Variants in ZDHHC7 observed in about 807,000 individuals in gnomAD.
ZDHHC7 encodes the protein palmitoyltransferase ZDHHC7.
In ZDHHC7, 12 loss-of-function variants were observed where a neutral mutation model predicts 34.1. The ratio of observed to expected loss-of-function variants is 0.35; its 90% CI spans 0.23 to 0.57. The LOEUF is 0.57. Ranked by LOEUF, ZDHHC7 falls within the 20% of genes least tolerant of loss-of-function variation. The probability of loss-of-function intolerance (pLI) is 0.84; values close to 1 mark genes in which losing one functional copy is unlikely to be tolerated. For missense variants in ZDHHC7, 388 were observed against 402.7 expected, an observed-to-expected ratio of 0.96 and a Z score of 0.31; for synonymous variants, 185 against 155.4, an observed-to-expected ratio of 1.19 and a Z score of -1.42.
chr16:84,996,646 C>T (rs112714984), intron 1 of ZDHHC7, among the ~76,000 whole-genome samples: 26 of 152,176 alleles, frequency 1.7e-4, no homozygotes, highest in Non-Finnish European at 2.8e-4. Flanking sequence ...GTCAGATTCA[C>T]TGTCAGACCT....
At chr16:85,025,950 G>A in the ZDHHC7 span, among the ~76,000 whole-genome samples, 1 of 152,140 alleles carries the variant, frequency 6.6e-6, no homozygotes, top group East Asian at 1.9e-4. Context: ...AGATTTTCCA[G>A]GCCCAATGTC....
At chr16:84,989,844 T>G (rs1393678391) in intron 3 of ZDHHC7, among the ~76,000 whole-genome samples, 1 of 151,882 alleles carries the variant, frequency 6.6e-6, no homozygotes, top group African/African-American at 2.4e-5. Context: ...TTTAAAGCAG[T>G]GGAAAGAACT....
intron 2 of ZDHHC7, among the ~76,000 whole-genome samples, chr16:84,990,870 C>CG (rs3215103): frequency 0.61 from 92,895 of 151,948 alleles, 29,983 homozygotes; most frequent in African/African-American, 0.81. Flanking sequence ...TATACAAAAC[C>CG]TATCTATGGC....
chr16:84,988,639 T>C lies in ZDHHC7; in HGVS notation c.315+1665A>G, dbSNP rs1402982835. The stretch of plus-strand genomic sequence containing the variant: ...GGGGTGGGAGCAGAAGCTGGACTGC[T>C]GAGTAGCTGTAGAGTCTGAGCGCAG... On this transcript the variant is annotated intron_variant, in intron 3 of 7. Coordinates refer to ENST00000313732, the MANE Select transcript of ZDHHC7 (RefSeq NM_017740.3). 7.3e-6 allele frequency: 6 copies of C among 817,860 alleles called. No homozygotes were observed. In the South Asian group the frequency reaches 8.1e-5, roughly 11 times the overall value. The allele number at this position is 817,860 out of a possible 1,614,324, so 50.7% of individuals were successfully genotyped here. A position where few individuals can be genotyped will look rare whatever the true frequency, so the allele number is the denominator to read the frequency against.
At chr16:84,990,872 A>G (rs2072501119) in intron 2 of ZDHHC7, among the ~76,000 whole-genome samples, 1 of 149,546 alleles carries the variant, frequency 6.7e-6, no homozygotes, top group South Asian at 2.1e-4. Flanking sequence ...TACAAAACCT[A>G]TCTATGGCCA....
At chr16:85,008,876 T>C (rs2143758776) in intron 1 of ZDHHC7, among the ~76,000 whole-genome samples, 1 of 151,582 alleles carries the variant, frequency 6.6e-6, no homozygotes, top group South Asian at 2.1e-4. Context: ...AGAAATCCTG[T>C]CTCTACTAAA....
chr16:85,012,725 C>T (rs1383825974), upstream of ZDHHC7, among the ~76,000 whole-genome samples: 1 of 151,832 alleles, frequency 6.6e-6, no homozygotes, highest in Non-Finnish European at 1.5e-5. Context: ...GTCAACGTGG[C>T]GAAACCCCAT....
chr16:85,025,550 C>T, the ZDHHC7 span, among the ~76,000 whole-genome samples: 2 of 152,168 alleles, frequency 1.3e-5, no homozygotes, highest in Non-Finnish European at 2.9e-5. Flanking sequence ...GCTGGGACTA[C>T]AGGCACCTGC....
chr16:85,023,896 A>G, the ZDHHC7 span, among the ~76,000 whole-genome samples: 1 of 152,184 alleles, frequency 6.6e-6, no homozygotes, highest in Non-Finnish European at 1.5e-5. Flanking sequence ...GATTATAGGC[A>G]TGAGCCATCA....
At chr16:84,986,870 G>T (rs1307668476) in intron 3 of ZDHHC7, among the ~76,000 whole-genome samples, 2 of 152,178 alleles carry the variant, frequency 1.3e-5, no homozygotes, top group African/African-American at 2.4e-5. Flanking sequence ...GTTCAGCCTG[G>T]ACTGGACCCT....
intron 3 of ZDHHC7, among the ~76,000 whole-genome samples, chr16:84,988,244 G>A (rs537031285): frequency 2.0e-5 from 3 of 152,164 alleles, no homozygotes; most frequent in East Asian, 1.9e-4. Context: ...AGAGGGCGTC[G>A]GGTGGTGGGG....
chr16:85,008,264 T>G (rs1651069889), intron 1 of ZDHHC7, among the ~76,000 whole-genome samples: 1 of 152,056 alleles, frequency 6.6e-6, no homozygotes, highest in South Asian at 2.1e-4. Flanking sequence ...ATCAACCATG[T>G]GGGCAATCAA....
chr16:84,977,030 A>G, intron 7 of ZDHHC7, 65 bp downstream of exon 7: 1 of 1,597,522 alleles, frequency 6.3e-7, no homozygotes. Context: ...TGTTGACATT[A>G]GGACTTTTCA....
intron 2 of ZDHHC7, among the ~76,000 whole-genome samples, chr16:84,994,137 C>T (rs111527410): frequency 1.2e-3 from 180 of 152,352 alleles, no homozygotes; most frequent in African/African-American, 3.9e-3. Context: ...TCCGACCTCC[C>T]GGCCTGATGT....
the ZDHHC7 span, among the ~76,000 whole-genome samples, chr16:85,019,928 T>C: frequency 1.3e-5 from 2 of 152,104 alleles, no homozygotes; most frequent in African/African-American, 2.4e-5. Context: ...TTATACCCCC[T>C]CGTAGACTCA....
intron 1 of ZDHHC7, among the ~76,000 whole-genome samples, chr16:85,000,138 C>CTAAAA (rs946068251): frequency 4.6e-5 from 7 of 151,734 alleles, no homozygotes; most frequent in African/African-American, 1.7e-4. Flanking sequence ...GACCCTGTCT[C>CTAAAA]TAAAATAAAA....
At chr16:85,018,815 G>T in the ZDHHC7 span, among the ~76,000 whole-genome samples, 1 of 152,150 alleles carries the variant, frequency 6.6e-6, no homozygotes, top group Non-Finnish European at 1.5e-5. Flanking sequence ...GTTATGCAGT[G>T]GAAAATCAGA....
Position 85,011,478 on chromosome 16 carries a change from G to GC in ZDHHC7, c.-297dup, listed in dbSNP as rs2072791718. On this transcript the variant is annotated 5_prime_UTR_variant, in exon 1 of 8. Transcript: ENST00000313732. ...CAGGTCGGAAGGAGGCTGCAGCCAAGCAAATGCCTCAGCCCGGAGCCTTGG... is the reference window on the plus strand; with the variant it reads ...CAGGTCGGAAGGAGGCTGCAGCCAAGCCAAATGCCTCAGCCCGGAGCCTTGG... 6.6e-6 allele frequency: 1 copy of GC among 152,240 alleles called. No homozygotes were observed. Among genetic ancestry groups the GC allele is most frequent in the African/African-American group, 2.4e-5 (1 of 41,452 alleles). The allele number at this position is 152,240 out of a possible 1,614,324, so 9.4% of individuals were successfully genotyped here.
chr16:84,998,134 G>A (rs1174179964), intron 1 of ZDHHC7, among the ~76,000 whole-genome samples: 1 of 150,826 alleles, frequency 6.6e-6, no homozygotes, highest in Non-Finnish European at 1.5e-5. Context: ...CGTGGTGGCG[G>A]GCGCCTGCAG....
Sources: gnomAD v4.1 joint callset for allele counts (sites outside exome capture counted in the v4.1 genomes callset) on GRCh38, gnomAD v4.1.1 for gene constraint, MANE v1.5 for transcripts, NCBI Gene and HGNC (gene_info 2026-07-23, HGNC 2026-07-21) for gene names.